Variants in SLC25A13 observed in about 807,000 individuals in gnomAD.
The protein encoded by SLC25A13 is electrogenic aspartate/glutamate antiporter SLC25A13, mitochondrial.
Under a neutral mutation model 85.5 loss-of-function variants are expected in SLC25A13, and 70 were observed. The observed-to-expected ratio is 0.82, with a 90% CI of 0.68 to 1.00. The LOEUF is 1.00. Ranked by LOEUF, SLC25A13 falls within the 50% of genes least tolerant of loss-of-function variation. SLC25A13 has a pLI of 0.00. For missense variants in SLC25A13, 765 were observed against 819.8 expected (o/e 0.93, Z 0.82); for synonymous variants, 259 against 288.7 (o/e 0.90, Z 1.04).
At chr7:96,271,048 T>A (rs930293953) in intron 3 of SLC25A13, among the ~76,000 whole-genome samples, 14 of 152,186 alleles carry the variant, frequency 9.2e-5, no homozygotes, top group African/African-American at 3.4e-4. Flanking sequence ...GAGTAATATC[T>A]TCATCTCAAA....
intron 14 of SLC25A13, among the ~76,000 whole-genome samples, chr7:96,137,032 A>G (rs181704961): frequency 5.3e-5 from 8 of 152,280 alleles, no homozygotes; most frequent in African/African-American, 1.7e-4. Context: ...GCTACAAACA[A>G]TGGGCAGCAT....
intron 3 of SLC25A13, among the ~76,000 whole-genome samples, chr7:96,254,685 T>C (rs766304836): frequency 1.3e-5 from 2 of 152,154 alleles, no homozygotes; most frequent in Admixed American, 6.5e-5. Flanking sequence ...AAGGAGCGTA[T>C]ATATAGTATA....
chr7:96,212,592 C>T (rs898745533), intron 4 of SLC25A13, among the ~76,000 whole-genome samples: 2 of 152,046 alleles, frequency 1.3e-5, no homozygotes, highest in East Asian at 1.9e-4. Context: ...TTTTCAATGG[C>T]GATCAATGGC....
intron 15 of SLC25A13, among the ~76,000 whole-genome samples, chr7:96,124,564 A>T (rs1290785439): frequency 6.6e-6 from 1 of 152,338 alleles, no homozygotes; most frequent in East Asian, 1.9e-4. Flanking sequence ...TCCATTCAGT[A>T]TGGCATTAAT....
chr7:96,197,897 G>GA (rs1458348810), intron 5 of SLC25A13, among the ~76,000 whole-genome samples: 5 of 152,150 alleles, frequency 3.3e-5, no homozygotes, highest in South Asian at 4.2e-4. Context: ...TATTTCTTTT[G>GA]AAAAAATGGA....
chr7:96,206,223 G>A (rs898244031), intron 5 of SLC25A13, among the ~76,000 whole-genome samples: 16 of 152,210 alleles, frequency 1.1e-4, no homozygotes, highest in African/African-American at 3.1e-4. Flanking sequence ...AAGCAACCAA[G>A]CATCTGCCTT....
chr7:96,242,996 C>A (rs552963656), intron 3 of SLC25A13, among the ~76,000 whole-genome samples: 15 of 152,218 alleles, frequency 9.9e-5, no homozygotes, highest in South Asian at 4.1e-4. Flanking sequence ...CGGAGTCTCA[C>A]TCTTGTTGCC....
At chr7:96,124,971 G>C (rs1305105391) in intron 15 of SLC25A13, among the ~76,000 whole-genome samples, 2 of 152,174 alleles carry the variant, frequency 1.3e-5, no homozygotes, top group Non-Finnish European at 2.9e-5. Context: ...TCATTTGTCA[G>C]TCTCCCAAAA....
chr7:96,135,277 C>G (rs934524764), intron 14 of SLC25A13, among the ~76,000 whole-genome samples: 1 of 152,184 alleles, frequency 6.6e-6, no homozygotes, highest in African/African-American at 2.4e-5. Context: ...TGGTGTCTCC[C>G]TGCAGAAAAT....
At chr7:96,164,745 C>CACACACACACACACAA (rs71529818) in intron 13 of SLC25A13, among the ~76,000 whole-genome samples, 5 of 151,332 alleles carry the variant, frequency 3.3e-5, no homozygotes, top group African/African-American at 1.2e-4. Context: ...CACACACACA[C>CACACACACACACACAA]AAAAGAAGCA....
At chr7:96,158,589 A>G (rs1793379271) in intron 13 of SLC25A13, among the ~76,000 whole-genome samples, 2 of 152,258 alleles carry the variant, frequency 1.3e-5, no homozygotes, top group Admixed American at 1.3e-4. Context: ...TGCTTTTCAC[A>G]AATGACATGT....
chr7:96,306,602 T>C (rs1211870876), intron 1 of SLC25A13, among the ~76,000 whole-genome samples: 1 of 152,214 alleles, frequency 6.6e-6, no homozygotes, highest in African/African-American at 2.4e-5. Flanking sequence ...GCCAGACTTC[T>C]GACCTCTTGG....
At chr7:96,320,623 A>C (rs1008866721) in intron 1 of SLC25A13, among the ~76,000 whole-genome samples, 5 of 152,158 alleles carry the variant, frequency 3.3e-5, no homozygotes, top group African/African-American at 1.2e-4. Context: ...TTATAGATAG[A>C]TATACACACG....
intron 15 of SLC25A13, among the ~76,000 whole-genome samples, chr7:96,128,939 G>GCTCTCTCTCCCTCTCT (rs1791871711): frequency 1.2e-5 from 1 of 81,850 alleles, no homozygotes; most frequent in Non-Finnish European, 2.5e-5. Context: ...TGCCTTGCTT[G>GCTCTCTCTCCCTCTCT]CTCTCTCTCT....
At chr7:96,246,062 G>T (rs1797177768) in intron 3 of SLC25A13, among the ~76,000 whole-genome samples, 1 of 152,210 alleles carries the variant, frequency 6.6e-6, no homozygotes. Flanking sequence ...CAGCATGTTG[G>T]TTTATTCTCA....
chr7:96,162,779 G>GT (rs1352248096), intron 13 of SLC25A13, among the ~76,000 whole-genome samples: 2 of 152,214 alleles, frequency 1.3e-5, no homozygotes, highest in Non-Finnish European at 2.9e-5. Context: ...CAAAGTCACT[G>GT]TGAGAGAGAC....
intron 3 of SLC25A13, among the ~76,000 whole-genome samples, chr7:96,249,291 A>G (rs1797323602): frequency 6.6e-6 from 1 of 152,244 alleles, no homozygotes; most frequent in South Asian, 2.1e-4. Context: ...ACATGAACAT[A>G]ATTTGCTTGC....
intron 1 of SLC25A13, among the ~76,000 whole-genome samples, chr7:96,318,089 G>A (rs1387895955): frequency 2.0e-5 from 3 of 152,130 alleles, no homozygotes; most frequent in East Asian, 1.9e-4. Context: ...AATACAAAGT[G>A]TACTAGTCCT....
At chr7:96,281,949 T>C (rs1271603426) in intron 2 of SLC25A13, among the ~76,000 whole-genome samples, 2 of 152,118 alleles carry the variant, frequency 1.3e-5, no homozygotes, top group African/African-American at 4.8e-5. Context: ...TGTATGAGGG[T>C]AGTGATAAAT....
Sources: allele counts gnomAD v4.1 joint callset (sites outside exome capture counted in the v4.1 genomes callset), GRCh38; gene constraint gnomAD v4.1.1; transcripts MANE v1.5; gene names NCBI Gene and HGNC (gene_info 2026-07-23, HGNC 2026-07-21).